Variants in LRRC57 observed in about 807,000 individuals in gnomAD.
LRRC57 encodes leucine-rich repeat-containing protein 57.
Under a neutral mutation model 23.1 loss-of-function variants are expected in LRRC57, and 14 were observed. The ratio of observed to expected loss-of-function variants is 0.61; its 90% CI spans 0.40 to 0.95. The LOEUF (loss-of-function observed/expected upper bound fraction) is 0.95. LRRC57 is among the 40% of genes least tolerant of loss of function. The pLI, the probability that LRRC57 is intolerant of heterozygous loss-of-function variation, is 0.00. For synonymous variants in LRRC57, 106 were observed against 115.2 expected, an observed-to-expected ratio of 0.92 and a Z score of 0.51; for missense variants, 236 against 284.4, an observed-to-expected ratio of 0.83 and a Z score of 1.22.
the LRRC57 span, among the ~76,000 whole-genome samples, chr15:42,529,980 C>A: frequency 4.6e-5 from 7 of 152,132 alleles, no homozygotes; most frequent in Non-Finnish European, 8.8e-5. Flanking sequence ...AAACAAGAGC[C>A]AAGTCCTCCC....
intron 4 of LRRC57, 80 bp from the exon 5 acceptor site, chr15:42,545,342 A>T (rs2057654227): frequency 1.1e-6 from 1 of 949,612 alleles, no homozygotes; most frequent in Admixed American, 3.6e-5. Context: ...AAACAAAACA[A>T]AAATCTTTAC....
At position 42,548,426 on chromosome 15, in the gene LRRC57, G is replaced by A. The variant is rs772434331; in HGVS notation, c.9C>T (p.Asn3=). The A allele has an allele frequency of 6.2e-7, 1 of 1,613,774 alleles. No individual in the cohort carries two copies. Among genetic ancestry groups the A allele is most frequent in the African/African-American group, 1.3e-5 (1 of 74,936 alleles). The change falls in exon 2 of 6, where the codon AAC becomes AAT. Residue 3 remains asparagine (N), a synonymous_variant. Coordinates refer to ENST00000397130, the MANE Select transcript of LRRC57 (RefSeq NM_153260.3). MG[N]SALRAHVETA... ...TTTCCACATGAGCGCGGAGCGCACT[G>A]TTTCCCATCCTAGCGCCGCGGCTCA...
At position 42,544,097 on chromosome 15, in the gene LRRC57, T is replaced by A; in HGVS notation, c.706A>T (p.Lys236Ter). The A allele has an allele frequency of 6.2e-7, 1 of 1,613,300 alleles. No homozygotes were observed. The highest frequency in any genetic ancestry group is 8.5e-7 in the Non-Finnish European group (1 of 1,179,460). Residue 236 changes from lysine (K) to a stop codon, truncating the protein, a stop_gained, in exon 6 of 6, where the codon AAG (lysine) becomes TAG (stop). Transcript: ENST00000397130. LOFTEE classifies it high-confidence loss of function. ...CCTGGAGAACTTCACGCAAACTTCT[T>A]CTTGGTGGCTGTGAACCTCTCCATG... ...KYMERFTATK[K>*]KFA
chr15:42,530,522 G>A, the LRRC57 span, among the ~76,000 whole-genome samples: 1 of 152,190 alleles, frequency 6.6e-6, no homozygotes, highest in African/African-American at 2.4e-5. Context: ...CACTTTGAGA[G>A]GCGGAGGCAG....
In LRRC57 at chr15:42,540,617, G is replaced by C. The variant is rs917054744; in HGVS notation, c.*3466C>G. 6.6e-6 allele frequency: 1 copy of C among 152,218 alleles called. No homozygotes were observed. Among genetic ancestry groups the C allele is most frequent in the Non-Finnish European group, 1.5e-5 (1 of 68,054 alleles). The allele number at this position is 152,218 out of a possible 1,614,324, so 9.4% of individuals were successfully genotyped here. On this transcript the variant is annotated 3_prime_UTR_variant, in exon 6 of 6. Coordinates refer to ENST00000397130, the MANE Select transcript of LRRC57 (RefSeq NM_153260.3). ...GATATGGGTGGGCAGGCAAATGAGAGTGAAGAAAGGGCAATAAGTCTAGGC... is the reference window on the plus strand; with the variant it reads ...GATATGGGTGGGCAGGCAAATGAGACTGAAGAAAGGGCAATAAGTCTAGGC...
chr15:42,535,306 C>T (rs184495179), downstream of LRRC57, among the ~76,000 whole-genome samples: 96 of 152,346 alleles, frequency 6.3e-4, no homozygotes, highest in African/African-American at 2.2e-3. Context: ...GCTTCCTCAC[C>T]TCTCAGCCTT....
rs768032841 is a variant in LRRC57, at chr15:42,547,223, A to G, written c.492+38T>C. On this transcript the variant is annotated intron_variant, in intron 4 of 5. Coordinates refer to ENST00000397130, the MANE Select transcript of LRRC57 (RefSeq NM_153260.3). Reference sequence around the variant, plus strand: ...AGGTATCAGGAGACCTTAAAGCCACACATATGCTGTAGGAAAAAAAACCTT... The same window carrying G: ...AGGTATCAGGAGACCTTAAAGCCACGCATATGCTGTAGGAAAAAAAACCTT... 2.5e-6 allele frequency: 4 copies of G among 1,599,152 alleles called. No homozygotes were observed. In the East Asian group the frequency reaches 6.7e-5, roughly 27 times the overall value.
the LRRC57 span, chr15:42,532,274 A>T: frequency 6.6e-6 from 1 of 152,168 alleles, no homozygotes; most frequent in African/African-American, 2.4e-5. Flanking sequence ...TATTTTTAGT[A>T]GAGACAGGGT....
In LRRC57 at chr15:42,542,747, A is replaced by G. The variant is rs1291092414; in HGVS notation, c.*1336T>C. 2.6e-5 allele frequency: 4 copies of G among 152,654 alleles called. No individual in the cohort carries two copies. The highest frequency in any genetic ancestry group is 4.4e-5 in the Non-Finnish European group (3 of 68,048). 9.5% of individuals were successfully genotyped at this position (152,654 alleles called of 1,614,324 possible). On this transcript the variant is annotated 3_prime_UTR_variant, in exon 6 of 6. Transcript: ENST00000397130. The stretch of plus-strand genomic sequence containing the variant: ...CCCTTTTATCTTACAAGTGTTGCAT[A>G]TACAGTTTTGGCTCTTCAGAGCCCT...
rs1356814436 is a variant in LRRC57 at position 42,548,282 on chromosome 15, C to G, written c.85-38G>C. ...GTTCACAGCGTGGGGAATCCCGCACCGACTAAGTTCGCCGCCCCCGCCGTC... is the reference window on the plus strand; with the variant it reads ...GTTCACAGCGTGGGGAATCCCGCACGGACTAAGTTCGCCGCCCCCGCCGTC... On this transcript the variant is annotated intron_variant, in intron 2 of 5. Transcript: ENST00000397130. The G allele has an allele frequency of 5.6e-6, 9 of 1,613,832 alleles. No homozygotes were observed. The South Asian group carries it at 9.9e-5, about 18-fold the overall frequency.
chr15:42,535,360 C>G (rs535427126), downstream of LRRC57, among the ~76,000 whole-genome samples: 191 of 152,228 alleles, frequency 1.3e-3, no homozygotes, highest in Admixed American at 5.0e-3. Flanking sequence ...ACTGGAGTAG[C>G]ACTTTTAACT....
chr15:42,540,713 G>A lies in LRRC57; in HGVS notation c.*3370C>T, dbSNP rs1181338307. Reference sequence around the variant, plus strand: ...ATTAAACTCCAATTAATAATTAAATGGGAACATTTAAATTGTTAAATGTAT... The same window carrying A: ...ATTAAACTCCAATTAATAATTAAATAGGAACATTTAAATTGTTAAATGTAT... On this transcript the variant is annotated 3_prime_UTR_variant, in exon 6 of 6. Coordinates refer to ENST00000397130, the MANE Select transcript of LRRC57 (RefSeq NM_153260.3). The A allele has an allele frequency of 2.0e-5, 3 of 152,152 alleles. No individual in the cohort carries two copies. Among genetic ancestry groups the A allele is most frequent in the Non-Finnish European group, 4.4e-5 (3 of 68,026 alleles). The allele number at this position is 152,152 out of a possible 1,614,324, so 9.4% of individuals were successfully genotyped here.
intron 3 of LRRC57, 151 bp from the exon 4 acceptor site, chr15:42,547,680 C>A (rs2057667648): frequency 4.2e-6 from 3 of 707,720 alleles, no homozygotes; most frequent in Non-Finnish European, 6.9e-6. Context: ...TGCATTTTAC[C>A]AACATAGTCT....
In LRRC57 at chr15:42,542,733, T is replaced by C. The variant is rs149458233; in HGVS notation, c.*1350A>G. ...TTGATTATTAAAGTCCCTTTTATCT[T>C]ACAAGTGTTGCATATACAGTTTTGG... On this transcript the variant is annotated 3_prime_UTR_variant, in exon 6 of 6. Transcript: ENST00000397130. The C allele has an allele frequency of 1.5e-4, 23 of 152,788 alleles. No individual in the cohort carries two copies. The highest frequency in any genetic ancestry group is 5.5e-4 in the African/African-American group (23 of 41,586). The allele number at this position is 152,788 out of a possible 1,614,324, so 9.5% of individuals were successfully genotyped here.
intron 1 of LRRC57, 49 bp downstream of exon 1, chr15:42,548,644 G>A: frequency 1.6e-6 from 1 of 628,996 alleles, no homozygotes. Context: ...CTCTGCGGAG[G>A]CCAGGCGCCT....
the LRRC57 span, among the ~76,000 whole-genome samples, chr15:42,531,230 A>C: frequency 6.6e-6 from 1 of 152,214 alleles, no homozygotes; most frequent in African/African-American, 2.4e-5. Context: ...TGTCATGTTT[A>C]TATACCAGGG....
Position 42,543,005 on chromosome 15 carries a change from G to C in LRRC57, c.*1078C>G, listed in dbSNP as rs2057638302. The C allele has an allele frequency of 6.6e-6, 1 of 151,332 alleles. No individual in the cohort carries two copies. Among genetic ancestry groups the C allele is most frequent in the Admixed American group, 6.6e-5 (1 of 15,106 alleles). 9.4% of individuals were successfully genotyped at this position (151,332 alleles called of 1,614,324 possible). On this transcript the variant is annotated 3_prime_UTR_variant, in exon 6 of 6. Transcript: ENST00000397130. Reference sequence around the variant, plus strand: ...CCTGCCTCAGCCTCCCAAGTAGCTGGGATTACAGGTACCCACCACCACGCC... The same window carrying C: ...CCTGCCTCAGCCTCCCAAGTAGCTGCGATTACAGGTACCCACCACCACGCC...
downstream of LRRC57, among the ~76,000 whole-genome samples, chr15:42,536,629 G>C (rs1472272984): frequency 6.6e-6 from 1 of 152,184 alleles, no homozygotes; most frequent in African/African-American, 2.4e-5. Context: ...TGAGAAAAAA[G>C]AGAGGTGAGG....
chr15:42,531,638 T>C, the LRRC57 span: 1 of 504,122 alleles, frequency 2.0e-6, no homozygotes, highest in Non-Finnish European at 3.5e-6. Flanking sequence ...TTTTTTGTTT[T>C]CTGTTGAGGG....
Sources: gnomAD v4.1 joint callset for allele counts (sites outside exome capture counted in the v4.1 genomes callset) on GRCh38, gnomAD v4.1.1 for gene constraint, MANE v1.5 for transcripts, NCBI Gene and HGNC (gene_info 2026-07-23, HGNC 2026-07-21) for gene names.